Variants in CNTN5 observed in about 807,000 individuals in gnomAD.
CNTN5 encodes contactin 5, also known as contactin-5.
Under a neutral mutation model 129.1 loss-of-function variants are expected in CNTN5, and 77 were observed. The observed-to-expected ratio is 0.60, with a 90% CI of 0.50 to 0.72. The LOEUF is 0.72. CNTN5 is among the 30% of genes least tolerant of loss of function. The pLI is 0.00. For missense variants in CNTN5, 1,478 were observed against 1,328.8 expected (o/e 1.11, Z -1.75); for synonymous variants, 509 against 465.6 (o/e 1.09, Z -1.20).
intron 8 of CNTN5, among the ~76,000 whole-genome samples, chr11:99,964,866 A>G (rs199977795): frequency 1.3e-5 from 2 of 151,992 alleles, no homozygotes; most frequent in African/African-American, 4.8e-5. Flanking sequence ...CAGAGATTCA[A>G]CTTCTTCCTG....
chr11:99,441,534 A>T (rs1416603187), intron 2 of CNTN5, among the ~76,000 whole-genome samples: 1 of 152,130 alleles, frequency 6.6e-6, no homozygotes, highest in African/African-American at 2.4e-5. Flanking sequence ...CTCCAATGTG[A>T]AACTGCAAAA....
intron 7 of CNTN5, among the ~76,000 whole-genome samples, chr11:99,951,578 C>G (rs979357748): frequency 1.3e-5 from 2 of 152,152 alleles, no homozygotes; most frequent in African/African-American, 4.8e-5. Flanking sequence ...AGGGATTGGA[C>G]TACCTAAAAT....
chr11:99,408,769 T>G lies in CNTN5; in HGVS notation c.-71+83285T>G, dbSNP rs116339058. ...ATCTTAAATGAACTTGGCCACCCAA[T>G]TAAATTTGAGTCAGAGCCTGCCTAC... On this transcript the variant is annotated intron_variant, in intron 2 of 24. Transcript: ENST00000524871. Among the ~76,000 whole-genome samples the G allele has an allele frequency of 3.4e-3, 524 of 152,334 alleles. 3 individuals are homozygous for G. Among genetic ancestry groups the G allele is most frequent in the African/African-American group, 0.012 (482 of 41,586 alleles).
intron 3 of CNTN5, among the ~76,000 whole-genome samples, chr11:99,686,715 G>C (rs1953809965): frequency 6.6e-6 from 1 of 152,090 alleles, no homozygotes; most frequent in African/African-American, 2.4e-5. Flanking sequence ...AGACCTAAAA[G>C]CAAAGAGAAA....
At chr11:99,798,499 C>A (rs1004039936) in intron 3 of CNTN5, among the ~76,000 whole-genome samples, 9 of 152,082 alleles carry the variant, frequency 5.9e-5, no homozygotes, top group Admixed American at 4.6e-4. Context: ...GACAGCTATC[C>A]CAGCATCATT....
intron 1 of CNTN5, among the ~76,000 whole-genome samples, chr11:99,227,526 T>C (rs1389541928): frequency 1.3e-5 from 2 of 152,136 alleles, no homozygotes; most frequent in Admixed American, 6.6e-5. Context: ...TACGTCTAGG[T>C]AAGTTAATCA....
intron 2 of CNTN5, among the ~76,000 whole-genome samples, chr11:99,516,234 T>C (rs1947048110): frequency 6.6e-6 from 1 of 152,146 alleles, no homozygotes; most frequent in East Asian, 1.9e-4. Flanking sequence ...GATCTAGCAA[T>C]AAAAATCATT....
intron 13 of CNTN5, among the ~76,000 whole-genome samples, chr11:100,092,238 T>G (rs1016538512): frequency 3.3e-5 from 5 of 152,154 alleles, no homozygotes; most frequent in African/African-American, 1.2e-4. Context: ...AAATTCTGAT[T>G]ATCTGGTCAA....
intron 1 of CNTN5, among the ~76,000 whole-genome samples, chr11:99,223,474 T>C (rs1860509410): frequency 6.6e-6 from 1 of 152,194 alleles, no homozygotes; most frequent in Non-Finnish European, 1.5e-5. Flanking sequence ...TTTCTCTCTC[T>C]TTTTCCTAAA....
At chr11:100,298,521 A>T (rs1028920970) in intron 19 of CNTN5, among the ~76,000 whole-genome samples, 1 of 151,284 alleles carries the variant, frequency 6.6e-6, no homozygotes, top group South Asian at 2.1e-4. Flanking sequence ...GCAAATATTT[A>T]TTGAGTATCT....
chr11:99,261,822 A>G (rs1862642592), intron 1 of CNTN5, among the ~76,000 whole-genome samples: 1 of 152,044 alleles, frequency 6.6e-6, no homozygotes, highest in Admixed American at 6.6e-5. Context: ...CATTTGTGGC[A>G]TAACTTTCAG....
chr11:100,161,424 C>T (rs188558782), intron 13 of CNTN5, among the ~76,000 whole-genome samples: 23 of 151,906 alleles, frequency 1.5e-4, no homozygotes, highest in East Asian at 5.8e-4. Context: ...TTCAGTAAAA[C>T]GGTTATATAT....
At chr11:99,838,390 TTTG>T (rs1947372004) in intron 4 of CNTN5, among the ~76,000 whole-genome samples, 1 of 152,224 alleles carries the variant, frequency 6.6e-6, no homozygotes, top group Non-Finnish European at 1.5e-5. Flanking sequence ...TCTCTTATTT[TTTG>T]TTTTTTCATC....
chr11:99,593,554 A>G (rs1444512832), intron 3 of CNTN5, among the ~76,000 whole-genome samples: 1 of 152,214 alleles, frequency 6.6e-6, no homozygotes, highest in Non-Finnish European at 1.5e-5. Flanking sequence ...CACTATCTTC[A>G]TCATAGAAAA....
At chr11:99,633,468 G>T (rs1951438655) in intron 3 of CNTN5, among the ~76,000 whole-genome samples, 1 of 152,086 alleles carries the variant, frequency 6.6e-6, no homozygotes, top group Non-Finnish European at 1.5e-5. Context: ...ATTGGATATT[G>T]CGATACATAT....
At chr11:99,991,771 C>T (rs1939116467) in intron 8 of CNTN5, among the ~76,000 whole-genome samples, 1 of 133,412 alleles carries the variant, frequency 7.5e-6, no homozygotes, top group South Asian at 2.4e-4. Flanking sequence ...TTTGTTTCCA[C>T]TCAAATACTC....
intron 15 of CNTN5, among the ~76,000 whole-genome samples, chr11:100,205,050 T>C (rs1948885302): frequency 6.6e-6 from 1 of 152,010 alleles, no homozygotes; most frequent in African/African-American, 2.4e-5. Context: ...CCACATAAGG[T>C]TTAGGATTTA....
At chr11:100,102,098 G>A (rs1356752493) in intron 13 of CNTN5, among the ~76,000 whole-genome samples, 3 of 152,080 alleles carry the variant, frequency 2.0e-5, no homozygotes, top group Non-Finnish European at 4.4e-5. Flanking sequence ...CCCAGTAGTA[G>A]GATTGCTGAA....
At chr11:99,749,216 G>C (rs1944155336) in intron 3 of CNTN5, among the ~76,000 whole-genome samples, 1 of 151,852 alleles carries the variant, frequency 6.6e-6, no homozygotes, top group Non-Finnish European at 1.5e-5. Context: ...AAAATACTCT[G>C]GTCCCAAGCA....
Sources: gnomAD v4.1 joint callset for allele counts (sites outside exome capture counted in the v4.1 genomes callset) on GRCh38, gnomAD v4.1.1 for gene constraint, MANE v1.5 for transcripts, NCBI Gene and HGNC (gene_info 2026-07-23, HGNC 2026-07-21) for gene names.